Variants in CDH8 observed in about 807,000 individuals in gnomAD.
The protein encoded by CDH8 is cadherin 8.
Under a neutral mutation model 68.1 loss-of-function variants are expected in CDH8, and 17 were observed. That is an observed-to-expected ratio of 0.25 (90% CI 0.17 to 0.37). The LOEUF is 0.37. CDH8 is among the 10% of genes least tolerant of loss of function. CDH8 has a pLI of 1.00. For synonymous variants in CDH8, 372 were observed against 365.1 expected, an observed-to-expected ratio of 1.02 and a Z score of -0.21; for missense variants, 763 against 999.3, an observed-to-expected ratio of 0.76 and a Z score of 3.19.
intron 2 of CDH8, among the ~76,000 whole-genome samples, chr16:61,997,190 T>G (rs927788664): frequency 6.6e-6 from 1 of 152,220 alleles, no homozygotes; most frequent in Non-Finnish European, 1.5e-5. Context: ...TCCACTTTGC[T>G]GATGTGCCAG....
At chr16:61,891,758 C>T (rs1225059636) in intron 3 of CDH8, among the ~76,000 whole-genome samples, 1 of 152,148 alleles carries the variant, frequency 6.6e-6, no homozygotes, top group Non-Finnish European at 1.5e-5. Context: ...TTTCAATCCT[C>T]ATGATTTCCC....
At position 61,649,553 on chromosome 16, in the gene CDH8, CA is replaced by C. The variant is rs1963274572; in HGVS notation, c.*4054del. On this transcript the variant is annotated 3_prime_UTR_variant, in exon 12 of 12. Transcript: ENST00000577390. ...GCTGTTACCTTATCTTTTTGACTGA[CA>C]ATGATAGGATTTCAGTCATGCTCAG... 6.6e-6 allele frequency: 1 copy of C among 151,860 alleles called. No homozygotes were observed. The highest frequency in any genetic ancestry group is 2.4e-5 in the African/African-American group (1 of 41,382). 9.4% of individuals were successfully genotyped at this position (151,860 alleles called of 1,614,324 possible). A position where few individuals can be genotyped will look rare whatever the true frequency, so the allele number is the denominator to read the frequency against.
intron 7 of CDH8, among the ~76,000 whole-genome samples, chr16:61,814,345 C>A (rs754381282): frequency 5.9e-5 from 9 of 152,082 alleles, no homozygotes; most frequent in Non-Finnish European, 1.2e-4. Flanking sequence ...AATTAATGTT[C>A]CTGCAAGTGA....
intron 8 of CDH8, among the ~76,000 whole-genome samples, chr16:61,740,330 A>G (rs1200393108): frequency 6.6e-6 from 1 of 152,156 alleles, no homozygotes. Context: ...TCATGTTCAG[A>G]AATTTTAATA....
At chr16:62,033,891 T>TA (rs1555531101) in intron 1 of CDH8, among the ~76,000 whole-genome samples, 4 of 152,246 alleles carry the variant, frequency 2.6e-5, no homozygotes, top group African/African-American at 9.6e-5. Context: ...AAAGGCGATT[T>TA]AAAATACTGT....
chr16:61,897,683 TTAAGA>T (rs1367551851), intron 3 of CDH8, among the ~76,000 whole-genome samples: 10 of 152,130 alleles, frequency 6.6e-5, no homozygotes, highest in Non-Finnish European at 1.5e-4. Flanking sequence ...TTATTAACAA[TTAAGA>T]TAAAGTGTGC....
At chr16:61,872,893 A>C (rs1261475948) in intron 3 of CDH8, among the ~76,000 whole-genome samples, 1 of 152,218 alleles carries the variant, frequency 6.6e-6, no homozygotes, top group African/African-American at 2.4e-5. Flanking sequence ...CAGAAGCAAG[A>C]AGGCTGGGCT....
At position 62,030,889 on chromosome 16, in the gene CDH8, T is replaced by C. The variant is rs73568791; in HGVS notation, c.-200+5191A>G. Among the ~76,000 whole-genome samples the C allele has an allele frequency of 8.7e-3, 1,321 of 152,160 alleles. 18 individuals are homozygous for C. The highest frequency in any genetic ancestry group is 0.03 in the African/African-American group (1,227 of 41,536). On this transcript the variant is annotated intron_variant, in intron 1 of 11. Coordinates refer to ENST00000577390, the MANE Select transcript of CDH8 (RefSeq NM_001796.5). ...TATCCTGCTGATTAATACAGAAGAG[T>C]ATGGAATTGTCTTTGAAAACACCCA...
intron 10 of CDH8, among the ~76,000 whole-genome samples, chr16:61,711,036 G>A (rs1018592248): frequency 2.0e-5 from 3 of 151,688 alleles, no homozygotes; most frequent in Admixed American, 6.6e-5. Context: ...TGGTATAAAA[G>A]GTTCACTGTA....
intron 8 of CDH8, among the ~76,000 whole-genome samples, chr16:61,773,797 T>C (rs1960840686): frequency 6.6e-6 from 1 of 152,088 alleles, no homozygotes; most frequent in Admixed American, 6.6e-5. Flanking sequence ...TTGTGACAAA[T>C]AGCATAACCT....
At chr16:61,666,907 A>G (rs1963690975) in intron 10 of CDH8, among the ~76,000 whole-genome samples, 1 of 152,060 alleles carries the variant, frequency 6.6e-6, no homozygotes, top group African/African-American at 2.4e-5. Flanking sequence ...TCCAATATTT[A>G]GGAATATGAA....
At chr16:61,914,156 G>A (rs1964202093) in intron 2 of CDH8, among the ~76,000 whole-genome samples, 2 of 152,118 alleles carry the variant, frequency 1.3e-5, no homozygotes, top group Admixed American at 6.5e-5. Context: ...AAGGAGAGAA[G>A]TCTCGGAAAA....
chr16:61,653,344 G>A lies in CDH8; in HGVS notation c.*264C>T. Reference sequence around the variant, plus strand: ...AGCCAGGATCCCAATCTTTGTCTGTGGTGGTCAGGTAAATATCAAATATCC... The same window carrying A: ...AGCCAGGATCCCAATCTTTGTCTGTAGTGGTCAGGTAAATATCAAATATCC... On this transcript the variant is annotated 3_prime_UTR_variant, in exon 12 of 12. Coordinates refer to ENST00000577390, the MANE Select transcript of CDH8 (RefSeq NM_001796.5). The A allele has an allele frequency of 8.1e-7, 1 of 1,228,826 alleles. No individual in the cohort carries two copies. Among genetic ancestry groups the A allele is most frequent in the Non-Finnish European group, 1.0e-6 (1 of 987,180 alleles). 76.1% of individuals were successfully genotyped at this position (1,228,826 alleles called of 1,614,324 possible).
intron 2 of CDH8, among the ~76,000 whole-genome samples, chr16:61,975,593 A>T (rs896869505): frequency 2.7e-5 from 4 of 150,534 alleles, no homozygotes; most frequent in African/African-American, 5.0e-5. Flanking sequence ...ATAGTTTGAT[A>T]AAAAAATCTA....
At chr16:61,867,482 C>G (rs1280159462) in intron 3 of CDH8, among the ~76,000 whole-genome samples, 2 of 152,000 alleles carry the variant, frequency 1.3e-5, no homozygotes, top group Non-Finnish European at 2.9e-5. Context: ...ACAGTTAAAG[C>G]AAAGTTTTTG....
chr16:61,997,417 A>T (rs544024434), intron 2 of CDH8, among the ~76,000 whole-genome samples: 1 of 152,234 alleles, frequency 6.6e-6, no homozygotes, highest in African/African-American at 2.4e-5. Context: ...TCTTGCTCCT[A>T]CCATATTTTT....
At position 61,936,642 on chromosome 16, in the gene CDH8, C is replaced by CA. The variant is rs573594604; in HGVS notation, c.253-35170dup. Among the ~76,000 whole-genome samples the CA allele has an allele frequency of 2.4e-3, 371 of 152,010 alleles. 1 individual carries two copies. Among genetic ancestry groups the CA allele is most frequent in the Non-Finnish European group, 4.6e-3 (311 of 67,954 alleles). On this transcript the variant is annotated intron_variant, in intron 2 of 11. Transcript: ENST00000577390. ...TTCTGATATCTAAGAAAGTTAGATC[C>CA]AAAAAAACCTGAAGTCTTCTGTCTT...
chr16:61,848,609 T>G (rs1432475814), intron 4 of CDH8, among the ~76,000 whole-genome samples: 2 of 152,092 alleles, frequency 1.3e-5, no homozygotes, highest in South Asian at 4.1e-4. Context: ...AATAAGTGAT[T>G]GTTAAGTCAT....
chr16:61,669,086 G>C (rs770966044), intron 10 of CDH8, among the ~76,000 whole-genome samples: 1 of 151,922 alleles, frequency 6.6e-6, no homozygotes, highest in Non-Finnish European at 1.5e-5. Flanking sequence ...TGATTTGTAG[G>C]TCAAATATCC....
Sources: allele counts gnomAD v4.1 joint callset (sites outside exome capture counted in the v4.1 genomes callset), GRCh38; gene constraint gnomAD v4.1.1; transcripts MANE v1.5; gene names NCBI Gene and HGNC (gene_info 2026-07-23, HGNC 2026-07-21).